ARHGEF12: variants seen among roughly 807,000 people sequenced by gnomAD.
ARHGEF12 encodes KMT2A/ARHGEF12 fusion protein.
ARHGEF12 carries 66 observed loss-of-function variants against 211.2 expected under a neutral mutation model. The observed-to-expected ratio is 0.31, with a 90% confidence interval of 0.26 to 0.38. The LOEUF is 0.38. Among genes scored for constraint, ARHGEF12 ranks in the 10% least tolerant of loss-of-function variants. ARHGEF12 has a pLI of 1.00. For missense variants in ARHGEF12, 1,429 were observed against 1,869.5 expected, an observed-to-expected ratio of 0.76 and a Z score of 4.34; for synonymous variants, 592 against 638.4, an observed-to-expected ratio of 0.93 and a Z score of 1.09.
intron 1 of ARHGEF12, among the ~76,000 whole-genome samples, chr11:120,373,057 C>T (rs1009228861): frequency 1.3e-5 from 2 of 152,046 alleles, no homozygotes; most frequent in African/African-American, 4.8e-5. Context: ...CTAAGTATAA[C>T]AATGCTTTAA....
chr11:120,451,580 C>A lies in ARHGEF12; in HGVS notation c.1912C>A (p.Pro638Thr). The A allele has an allele frequency of 6.2e-7, 1 of 1,614,156 alleles. No homozygotes were observed. The highest frequency in any genetic ancestry group is 1.1e-5 in the South Asian group (1 of 91,070). The change falls in exon 22 of 41, where the codon CCT becomes ACT. Residue 638 changes from proline (P) to threonine (T), a missense_variant. Pro to Thr is a conservative substitution (Grantham distance 38). Transcript: ENST00000397843. ...CTTATCCACACCCTCATCTGTGAGT[C>A]CTGAACCTCAGGACTCTGCCAAGTT... ...KHLSTPSSVS[P>T]EPQDSAKLRQ...
Position 120,477,129 on chromosome 11 carries a change from G to T in ARHGEF12, c.3366-90G>T, listed in dbSNP as rs1284863470. 1.2e-5 allele frequency: 10 copies of T among 863,638 alleles called. No individual in the cohort carries two copies. The East Asian group carries it at 2.1e-4, about 18-fold the overall frequency. The allele number at this position is 863,638 out of a possible 1,614,324, so 53.5% of individuals were successfully genotyped here. A position where few individuals can be genotyped will look rare whatever the true frequency, so the allele number is the denominator to read the frequency against. On this transcript the variant is annotated intron_variant, in intron 34 of 40. Coordinates refer to ENST00000397843, the MANE Select transcript of ARHGEF12 (RefSeq NM_015313.3). ...TGTTGTTGTTGTTGTTGGTTGATTT[G>T]GTTTTTGTTTAGTTTTGCTTTCTGA...
chr11:120,471,711 G>A (rs556532749), intron 30 of ARHGEF12, among the ~76,000 whole-genome samples: 35 of 152,274 alleles, frequency 2.3e-4, no homozygotes, highest in African/African-American at 7.9e-4. Context: ...AAATAAGATG[G>A]ACTGATGGAT....
intron 1 of ARHGEF12, chr11:120,337,750 CTT>C: frequency 9.1e-6 from 9 of 985,424 alleles, no homozygotes; most frequent in Non-Finnish European, 1.1e-5. Context: ...AACTTGATCT[CTT>C]TCAGATGTTG....
intron 1 of ARHGEF12, among the ~76,000 whole-genome samples, chr11:120,369,832 A>T (rs1943539443): frequency 6.6e-6 from 1 of 152,158 alleles, no homozygotes; most frequent in Non-Finnish European, 1.5e-5. Flanking sequence ...TGTACCTGCT[A>T]CTTAGTGTTA....
Position 120,337,185 on chromosome 11 carries a change from G to A in ARHGEF12, c.-59G>A, listed in dbSNP as rs1942375317. ...GATCCCAGAGCACTGGGGGTGGGGA[G>A]GAGGTGTTACTGTAAAATGCAAGTT... On this transcript the variant is annotated 5_prime_UTR_variant, in exon 1 of 41. Coordinates refer to ENST00000397843, the MANE Select transcript of ARHGEF12 (RefSeq NM_015313.3). The A allele has an allele frequency of 1.2e-6, 2 of 1,604,642 alleles. No homozygotes were observed. The highest frequency in any genetic ancestry group is 1.7e-4 in the Middle Eastern group (1 of 6,050).
chr11:120,476,852 C>A, intron 34 of ARHGEF12, 104 bp downstream of exon 34: 1 of 857,706 alleles, frequency 1.2e-6, no homozygotes, highest in Non-Finnish European at 1.8e-6. Context: ...GGAAACCAAG[C>A]ACTTCCTCTG....
intron 1 of ARHGEF12, among the ~76,000 whole-genome samples, chr11:120,358,546 A>G (rs1177573013): frequency 6.6e-6 from 1 of 152,184 alleles, no homozygotes; most frequent in Non-Finnish European, 1.5e-5. Context: ...CTGTTGTATG[A>G]TAGATTATCC....
chr11:120,488,210 G>A lies in ARHGEF12; in HGVS notation c.*3133G>A, dbSNP rs1947444657. 2 of 215,600 alleles carry A rather than the reference G, an allele frequency of 9.3e-6. No individual in the cohort carries two copies. The highest frequency in any genetic ancestry group is 1.9e-5 in the Non-Finnish European group (2 of 107,070). The allele number at this position is 215,600 out of a possible 1,614,324, so 13.4% of individuals were successfully genotyped here. ...ATCTTTGTTTTCCTCTTTGATGTTAGTAAATTTGGTGTAATACGTGGGGCT... is the reference window on the plus strand; with the variant it reads ...ATCTTTGTTTTCCTCTTTGATGTTAATAAATTTGGTGTAATACGTGGGGCT... On this transcript the variant is annotated 3_prime_UTR_variant, in exon 41 of 41. Coordinates refer to ENST00000397843, the MANE Select transcript of ARHGEF12 (RefSeq NM_015313.3).
intron 1 of ARHGEF12, among the ~76,000 whole-genome samples, chr11:120,392,265 C>G (rs1217467911): frequency 6.6e-6 from 1 of 152,220 alleles, no homozygotes; most frequent in Non-Finnish European, 1.5e-5. Flanking sequence ...CTGGCTCCTT[C>G]ATTTAAGTCT....
intron 1 of ARHGEF12, among the ~76,000 whole-genome samples, chr11:120,353,850 T>C (rs1943061272): frequency 6.6e-6 from 1 of 152,178 alleles, no homozygotes; most frequent in South Asian, 2.1e-4. Context: ...CACAGTTACC[T>C]GTTTATGCAT....
intron 1 of ARHGEF12, among the ~76,000 whole-genome samples, chr11:120,403,062 A>G (rs1404786182): frequency 1.3e-5 from 2 of 152,232 alleles, no homozygotes; most frequent in African/African-American, 2.4e-5. Flanking sequence ...CTGTAATAAC[A>G]CATCGGGAAG....
At chr11:120,472,891 G>T (rs550038808) in intron 30 of ARHGEF12, among the ~76,000 whole-genome samples, 159 bp from the exon 31 acceptor site, 1 of 151,882 alleles carries the variant, frequency 6.6e-6, no homozygotes, top group Non-Finnish European at 1.5e-5. Flanking sequence ...TCCTAACCTC[G>T]TGATCCACCT....
At chr11:120,355,168 G>A (rs1183414685) in intron 1 of ARHGEF12, among the ~76,000 whole-genome samples, 1 of 151,980 alleles carries the variant, frequency 6.6e-6, no homozygotes, top group African/African-American at 2.4e-5. Context: ...GAAAGCAACC[G>A]GTTCACAGTT....
At chr11:120,468,702 T>C (rs1279469030) in intron 29 of ARHGEF12, among the ~76,000 whole-genome samples, 7 of 152,198 alleles carry the variant, frequency 4.6e-5, no homozygotes, top group African/African-American at 1.7e-4. Flanking sequence ...CCGCCTGCCT[T>C]GGCCTCCCAA....
rs1046390616 is a variant in ARHGEF12 at position 120,441,831 on chromosome 11, C to G, written c.1203+14C>G. 9 of 1,605,296 alleles carry G rather than the reference C, an allele frequency of 5.6e-6. No individual in the cohort carries two copies. Among genetic ancestry groups the G allele is most frequent in the Non-Finnish European group, 7.7e-6 (9 of 1,172,558 alleles). ...CCTGCGACTTTGGTAATATATTTTA[C>G]AATCTAGCAGATTCAGAGTTCTTCT... On this transcript the variant is annotated intron_variant, in intron 14 of 40. Transcript: ENST00000397843.
intron 1 of ARHGEF12, among the ~76,000 whole-genome samples, chr11:120,369,706 A>G (rs898502930): frequency 1.3e-5 from 2 of 152,266 alleles, no homozygotes; most frequent in African/African-American, 4.8e-5. Flanking sequence ...TTGCGCTCTT[A>G]GTGTTACTAC....
At position 120,480,037 on chromosome 11, in the gene ARHGEF12, C is replaced by G. The variant is rs774150370; in HGVS notation, c.3844C>G (p.Pro1282Ala). ...CGTTCAGGAAGACTGGCAACATTTC[C>G]CAAGATACAGAACAGCCTCTCAGGG... is the stretch of plus-strand genomic sequence containing the variant. ...KSVQEDWQHF[P>A]RYRTASQGPQ... Residue 1282 changes from proline (P) to alanine (A), a missense_variant, in exon 38 of 41, where the codon CCA (proline) becomes GCA (alanine). Transcript: ENST00000397843. The G allele has an allele frequency of 1.9e-6, 3 of 1,614,104 alleles. No individual in the cohort carries two copies. The South Asian group carries it at 3.3e-5, about 18-fold the overall frequency.
At position 120,371,217 on chromosome 11, in the gene ARHGEF12, G is replaced by A. The variant is rs140454271; in HGVS notation, c.32+33942G>A. On this transcript the variant is annotated intron_variant, in intron 1 of 40. Transcript: ENST00000397843. ...AAACTGTATCTTTAGGGCTGGGTGC[G>A]GTGGCTCATGCCTGTAATCCCAGCA... 5.9e-5 allele frequency among the ~76,000 whole-genome samples: 9 copies of A among 152,294 alleles called. No individual in the cohort carries two copies. In the South Asian group the frequency reaches 1.0e-3, roughly 18 times the overall value.
Sources: gnomAD v4.1 joint callset for allele counts (sites outside exome capture counted in the v4.1 genomes callset) on GRCh38, gnomAD v4.1.1 for gene constraint, MANE v1.5 for transcripts, NCBI Gene and HGNC (gene_info 2026-07-23, HGNC 2026-07-21) for gene names.